WDPCP: variants seen among roughly 807,000 people sequenced by gnomAD.
WDPCP encodes the protein WD repeat containing planar cell polarity effector.
A neutral mutation model predicts 93.1 loss-of-function variants in WDPCP; 71 were observed. The ratio of observed to expected loss-of-function variants is 0.76; its 90% CI spans 0.63 to 0.93. The LOEUF is 0.93. Among genes scored for constraint, WDPCP ranks in the 40% least tolerant of loss-of-function variants. The pLI is 0.00. For synonymous variants in WDPCP, 315 were observed against 315.0 expected (o/e 1.00, Z 0.00); for missense variants, 844 against 887.4 (o/e 0.95, Z 0.62).
chr2:63,335,224 C>G (rs1011373304), intron 12 of WDPCP, among the ~76,000 whole-genome samples: 7 of 152,120 alleles, frequency 4.6e-5, no homozygotes, highest in African/African-American at 1.7e-4. Context: ...AATACTTGCC[C>G]TTTTCCCTTT....
intron 6 of WDPCP, among the ~76,000 whole-genome samples, chr2:63,482,783 A>G (rs1023873915): frequency 1.3e-5 from 2 of 151,972 alleles, no homozygotes; most frequent in Admixed American, 6.6e-5. Context: ...TGCTGAGAGT[A>G]TAAGGTCTAT....
intron 2 of WDPCP, among the ~76,000 whole-genome samples, chr2:63,492,283 AAC>A (rs1558706774): frequency 1.3e-5 from 2 of 152,114 alleles, no homozygotes; most frequent in Non-Finnish European, 2.9e-5. Context: ...GCATTGTTAA[AAC>A]ACACATATTA....
chr2:63,694,150 T>C (rs918510713), intron 2 of WDPCP, among the ~76,000 whole-genome samples: 2 of 152,202 alleles, frequency 1.3e-5, no homozygotes, highest in African/African-American at 4.8e-5. Flanking sequence ...TTTTATGGTA[T>C]AGAAAAAGAG....
chr2:63,507,044 A>T (rs1701923360), intron 1 of WDPCP, among the ~76,000 whole-genome samples: 1 of 152,112 alleles, frequency 6.6e-6, no homozygotes, highest in African/African-American at 2.4e-5. Flanking sequence ...CAGACATCAG[A>T]CTAAGACAAA....
intron 9 of WDPCP, among the ~76,000 whole-genome samples, chr2:63,429,361 A>G (rs764226513): frequency 2.6e-5 from 4 of 152,156 alleles, no homozygotes; most frequent in Non-Finnish European, 5.9e-5. Context: ...TAAACTAAAG[A>G]GCTTCTACAC....
At chr2:63,134,741 T>A (rs1317852765) in intron 17 of WDPCP, among the ~76,000 whole-genome samples, 1 of 152,258 alleles carries the variant, frequency 6.6e-6, no homozygotes, top group African/African-American at 2.4e-5. Context: ...TTTAAAAAAT[T>A]ATGAATTTCC....
At chr2:63,170,944 G>GT (rs1189938580) in intron 15 of WDPCP, among the ~76,000 whole-genome samples, 1 of 151,896 alleles carries the variant, frequency 6.6e-6, no homozygotes, top group East Asian at 1.9e-4. Context: ...TTTGATGAAG[G>GT]TGTAAAGGCA....
At chr2:63,772,990 G>T (rs1670250754) in intron 2 of WDPCP, among the ~76,000 whole-genome samples, 1 of 151,926 alleles carries the variant, frequency 6.6e-6, no homozygotes, top group Non-Finnish European at 1.5e-5. Flanking sequence ...AAAGAAAAAT[G>T]ATAAAACTGT....
At chr2:63,420,361 T>TAA (rs60889615) in intron 9 of WDPCP, among the ~76,000 whole-genome samples, 10 of 120,518 alleles carry the variant, frequency 8.3e-5, no homozygotes, top group South Asian at 5.3e-4. Flanking sequence ...CATCTTTACT[T>TAA]AAAAAAAAAA....
At chr2:63,642,540 G>A (rs1709993395) in intron 3 of WDPCP, 1 of 150,688 alleles carries the variant, frequency 6.6e-6, no homozygotes, top group Admixed American at 6.6e-5. Context: ...AAATTCCTAG[G>A]GATTTTATTT....
At chr2:63,829,758 T>A (rs994444986), upstream of WDPCP, among the ~76,000 whole-genome samples, 16 of 152,142 alleles carry the variant, frequency 1.1e-4, no homozygotes, top group African/African-American at 3.9e-4. Flanking sequence ...ATTTGCTCTG[T>A]TAGAATAATC....
At chr2:63,174,930 G>T in intron 14 of WDPCP, 98 bp from the exon 15 acceptor site, 1 of 1,353,058 alleles carries the variant, frequency 7.4e-7, no homozygotes, top group Non-Finnish European at 1.0e-6. Flanking sequence ...ATATCCCAGT[G>T]GAACTTTTTT....
intron 2 of WDPCP, among the ~76,000 whole-genome samples, chr2:63,732,706 G>A (rs953901196): frequency 6.6e-6 from 1 of 151,962 alleles, no homozygotes; most frequent in African/African-American, 2.4e-5. Flanking sequence ...AAAAATATTC[G>A]ATAGGGGCAG....
intron 17 of WDPCP, among the ~76,000 whole-genome samples, chr2:63,151,654 G>C (rs889077642): frequency 6.6e-6 from 1 of 152,146 alleles, no homozygotes; most frequent in African/African-American, 2.4e-5. Flanking sequence ...ATATTCAACT[G>C]TAATATGGCG....
chr2:63,372,468 C>T (rs1340697589), intron 12 of WDPCP, among the ~76,000 whole-genome samples: 1 of 152,114 alleles, frequency 6.6e-6, no homozygotes, highest in East Asian at 1.9e-4. Context: ...ATAAAAATTA[C>T]TCCTTGACAT....
At chr2:63,471,168 A>G (rs186373338) in intron 6 of WDPCP, among the ~76,000 whole-genome samples, 1 of 152,316 alleles carries the variant, frequency 6.6e-6, no homozygotes, top group East Asian at 1.9e-4. Context: ...GAACAGGGAT[A>G]TTGGTCACTT....
At chr2:63,429,992 C>T (rs1696616059) in intron 9 of WDPCP, among the ~76,000 whole-genome samples, 2 of 145,804 alleles carry the variant, frequency 1.4e-5, no homozygotes, top group South Asian at 4.3e-4. Flanking sequence ...CACACACACA[C>T]ACACACACAC....
intron 17 of WDPCP, among the ~76,000 whole-genome samples, chr2:63,145,864 G>A (rs1051063311): frequency 6.6e-6 from 1 of 152,108 alleles, no homozygotes; most frequent in African/African-American, 2.4e-5. Flanking sequence ...CCATTTGTTT[G>A]TGTCATCTCT....
intron 12 of WDPCP, among the ~76,000 whole-genome samples, chr2:63,368,211 A>G (rs1316208430): frequency 1.3e-5 from 2 of 152,162 alleles, no homozygotes; most frequent in African/African-American, 4.8e-5. Context: ...TAGGAGACAG[A>G]TGCTTGAGAG....
Sources: allele counts gnomAD v4.1 joint callset (sites outside exome capture counted in the v4.1 genomes callset), GRCh38; gene constraint gnomAD v4.1.1; transcripts MANE v1.5; gene names NCBI Gene and HGNC (gene_info 2026-07-23, HGNC 2026-07-21).